Variants in SLC1A2 observed in about 807,000 individuals in gnomAD.
SLC1A2 encodes the protein excitatory amino acid transporter 2.
Under a neutral mutation model 48.8 loss-of-function variants are expected in SLC1A2, and 15 were observed. The ratio of observed to expected loss-of-function variants is 0.31; its 90% confidence interval spans 0.21 to 0.47. SLC1A2 has a LOEUF of 0.47. Ranked by LOEUF, SLC1A2 falls within the 20% of genes least tolerant of loss-of-function variation. The pLI is 0.99. For missense variants in SLC1A2, 502 were observed against 730.5 expected, an observed-to-expected ratio of 0.69 and a Z score of 3.61; for synonymous variants, 279 against 272.6, an observed-to-expected ratio of 1.02 and a Z score of -0.23.
intron 4 of SLC1A2, among the ~76,000 whole-genome samples, chr11:35,309,603 G>T (rs939529372): frequency 2.0e-5 from 3 of 152,152 alleles, no homozygotes; most frequent in Non-Finnish European, 4.4e-5. Context: ...CACTCTGCGG[G>T]GAGCTCATCT....
intron 1 of SLC1A2, among the ~76,000 whole-genome samples, chr11:35,400,761 T>C (rs1855112834): frequency 1.3e-5 from 2 of 152,224 alleles, no homozygotes; most frequent in Admixed American, 1.3e-4. Flanking sequence ...TAGTGTTTAC[T>C]GGTGAAAAGT....
chr11:35,342,386 T>C (rs1190150365), intron 1 of SLC1A2, among the ~76,000 whole-genome samples: 4 of 152,232 alleles, frequency 2.6e-5, no homozygotes, highest in Non-Finnish European at 5.9e-5. Flanking sequence ...GCTCACCCGA[T>C]GCAGATACCG....
intron 9 of SLC1A2, among the ~76,000 whole-genome samples, chr11:35,266,997 A>G (rs1216601077): frequency 1.3e-5 from 2 of 152,238 alleles, no homozygotes; most frequent in Non-Finnish European, 2.9e-5. Context: ...TAAGAAGAAA[A>G]TGTGGAAAAA....
At position 35,259,836 on chromosome 11, in the gene SLC1A2, C is replaced by T. The variant is rs1401501502; in HGVS notation, c.*1058G>A. ...TGGATAAATACCAGTATTTTTGTTT[C>T]ATCAAGAGATGACATTAAAAGAGGC... is the stretch of plus-strand genomic sequence containing the variant. On this transcript the variant is annotated 3_prime_UTR_variant, in exon 11 of 11. Transcript: ENST00000278379. 2 of 152,186 alleles carry T rather than the reference C, an allele frequency of 1.3e-5. No individual in the cohort carries two copies. The highest frequency in any genetic ancestry group is 2.9e-5 in the Non-Finnish European group (2 of 68,038). 9.4% of individuals were successfully genotyped at this position (152,186 alleles called of 1,614,324 possible).
At chr11:35,418,034 G>T (rs551179394) in intron 1 of SLC1A2, among the ~76,000 whole-genome samples, 4 of 152,166 alleles carry the variant, frequency 2.6e-5, no homozygotes, top group Non-Finnish European at 5.9e-5. Flanking sequence ...TAACCAAAGG[G>T]CTGAGCTGCC....
chr11:35,303,341 T>C (rs1160556441), intron 5 of SLC1A2, among the ~76,000 whole-genome samples: 1 of 152,134 alleles, frequency 6.6e-6, no homozygotes, highest in African/African-American at 2.4e-5. Flanking sequence ...TACTAATACT[T>C]CACATTTAGT....
At chr11:35,351,948 A>G (rs1004705208) in intron 1 of SLC1A2, among the ~76,000 whole-genome samples, 1 of 152,138 alleles carries the variant, frequency 6.6e-6, no homozygotes, top group African/African-American at 2.4e-5. Context: ...TCATAATTTT[A>G]TAAAAATTGT....
intron 1 of SLC1A2, among the ~76,000 whole-genome samples, chr11:35,374,925 T>C (rs1426627986): frequency 3.9e-5 from 6 of 152,368 alleles, no homozygotes; most frequent in African/African-American, 1.4e-4. Flanking sequence ...TTCTTAATGT[T>C]GACAGGTTCT....
chr11:35,307,954 GC>G (rs1851564533), intron 4 of SLC1A2, among the ~76,000 whole-genome samples: 2 of 152,126 alleles, frequency 1.3e-5, no homozygotes, highest in Non-Finnish European at 2.9e-5. Flanking sequence ...CCTCAATGTG[GC>G]CCCTTCATCT....
At chr11:35,317,329 G>A (rs1479929452) in intron 2 of SLC1A2, 48 bp downstream of exon 2, 2 of 1,591,094 alleles carry the variant, frequency 1.3e-6, no homozygotes, top group South Asian at 1.1e-5. Context: ...AGAGCCAGGA[G>A]AGTCCCAGAG....
chr11:35,320,068 C>T (rs937035756), intron 1 of SLC1A2, among the ~76,000 whole-genome samples: 5 of 152,154 alleles, frequency 3.3e-5, no homozygotes, highest in Non-Finnish European at 5.9e-5. Context: ...TCTCCCAGAA[C>T]ACAAACAGAG....
At chr11:35,385,860 G>A (rs1854569390) in intron 1 of SLC1A2, among the ~76,000 whole-genome samples, 1 of 152,134 alleles carries the variant, frequency 6.6e-6, no homozygotes, top group Non-Finnish European at 1.5e-5. Context: ...AAGGAACACA[G>A]TGAAGCTTTA....
rs549232016 is a variant in SLC1A2, at chr11:35,414,640, A to G, written c.17+4310T>C. The stretch of plus-strand genomic sequence containing the variant: ...CTATGAAGCATCCTGCCTGGCCCCC[A>G]ACAAGCTGTTAAGGGCATGAAATCA... On this transcript the variant is annotated intron_variant, in intron 1 of 10. Transcript: ENST00000278379. Among the ~76,000 whole-genome samples, 29 of 152,330 alleles carry G rather than the reference A, an allele frequency of 1.9e-4. No individual in the cohort carries two copies. In the South Asian group the frequency reaches 5.4e-3, roughly 28 times the overall value.
chr11:35,345,061 T>TAA (rs11406743), intron 1 of SLC1A2, among the ~76,000 whole-genome samples: 25 of 150,984 alleles, frequency 1.7e-4, no homozygotes, highest in East Asian at 7.8e-4. Flanking sequence ...GCCCCAAGAG[T>TAA]AAAAAAAAAT....
chr11:35,395,177 C>G (rs886285669), intron 1 of SLC1A2, among the ~76,000 whole-genome samples: 4 of 151,990 alleles, frequency 2.6e-5, no homozygotes, highest in Non-Finnish European at 4.4e-5. Flanking sequence ...GAAAGAGGAG[C>G]ACTTACTCTG....
intron 1 of SLC1A2, among the ~76,000 whole-genome samples, chr11:35,367,728 A>G (rs1853901950): frequency 2.0e-5 from 3 of 152,206 alleles, no homozygotes; most frequent in Non-Finnish European, 2.9e-5. Flanking sequence ...TGCTTGAGTC[A>G]TTCATGTTCA....
chr11:35,271,615 G>C (rs10768123), intron 9 of SLC1A2, among the ~76,000 whole-genome samples: 1 of 151,866 alleles, frequency 6.6e-6, no homozygotes, highest in Admixed American at 6.6e-5. Context: ...AGGCTGAGGT[G>C]GGTGGATCAT....
At chr11:35,403,269 T>A (rs1855188074) in intron 1 of SLC1A2, among the ~76,000 whole-genome samples, 1 of 152,254 alleles carries the variant, frequency 6.6e-6, no homozygotes, top group African/African-American at 2.4e-5. Flanking sequence ...GTCACACAGC[T>A]ACTGAGTGGT....
chr11:35,392,729 T>A (rs940597779), intron 1 of SLC1A2, among the ~76,000 whole-genome samples: 1 of 152,120 alleles, frequency 6.6e-6, no homozygotes, highest in African/African-American at 2.4e-5. Flanking sequence ...CCTCCCAGTA[T>A]CTGTTCAGGC....
Sources: allele counts gnomAD v4.1 joint callset (sites outside exome capture counted in the v4.1 genomes callset), GRCh38; gene constraint gnomAD v4.1.1; transcripts MANE v1.5; gene names NCBI Gene and HGNC (gene_info 2026-07-23, HGNC 2026-07-21).